The following RORA variants were observed in gnomAD, a reference collection of about 807,000 sequenced individuals.
The protein encoded by RORA is nuclear receptor ROR-alpha.
RORA carries 7 observed loss-of-function variants against 69.5 expected under a neutral mutation model. The ratio of observed to expected loss-of-function variants is 0.10; its 90% CI spans 0.06 to 0.19. The LOEUF is 0.19. Among genes scored for constraint, RORA ranks in the 10% least tolerant of loss-of-function variants. The probability of loss-of-function intolerance (pLI) is 1.00; values close to 1 mark genes in which losing one functional copy is unlikely to be tolerated. For synonymous variants in RORA, 261 were observed against 240.8 expected (o/e 1.08, Z -0.78); for missense variants, 457 against 663.0 (o/e 0.69, Z 3.41).
At chr15:60,597,597 C>CATATATATATATATAT (rs1213736725) in intron 2 of RORA, among the ~76,000 whole-genome samples, 1 of 31,348 alleles carries the variant, frequency 3.2e-5, no homozygotes, top group Non-Finnish European at 5.7e-5. Context: ...TATATATACA[C>CATATATATATATATAT]ATATATATAT....
chr15:61,089,813 A>G (rs1174484031), intron 1 of RORA, among the ~76,000 whole-genome samples: 3 of 152,214 alleles, frequency 2.0e-5, no homozygotes, highest in Non-Finnish European at 4.4e-5. Context: ...AGCAGTGACA[A>G]GCAGCAGGCT....
chr15:60,815,017 G>A (rs2072790283), intron 1 of RORA, among the ~76,000 whole-genome samples: 1 of 152,088 alleles, frequency 6.6e-6, no homozygotes, highest in East Asian at 1.9e-4. Flanking sequence ...CGAAAGGGTT[G>A]ATCAAACATA....
intron 2 of RORA, among the ~76,000 whole-genome samples, chr15:60,599,993 C>A (rs1233598707): frequency 6.6e-6 from 1 of 152,134 alleles, no homozygotes; most frequent in African/African-American, 2.4e-5. Flanking sequence ...GAGTGAAAAG[C>A]TAAGCAGAGC....
intron 1 of RORA, among the ~76,000 whole-genome samples, chr15:60,866,638 A>G (rs2140430814): frequency 6.6e-6 from 1 of 152,222 alleles, no homozygotes; most frequent in South Asian, 2.1e-4. Context: ...TGGAGTTTAA[A>G]TTAGTCACCA....
At position 60,586,455 on chromosome 15, in the gene RORA, G is replaced by GGT. The variant is rs146340386; in HGVS notation, c.197-54606_197-54605dup. On this transcript the variant is annotated intron_variant, in intron 2 of 10. Transcript: ENST00000335670. ...GACAGCAGATATTACGTATTAGAGG[G>GGT]GTGTGTGTGTGTGTGTGCGTGTGCA... 1.5e-3 allele frequency among the ~76,000 whole-genome samples: 222 copies of GGT among 150,268 alleles called. 2 individuals are homozygous for GGT. The East Asian group carries it at 0.03, about 20-fold the overall frequency.
chr15:60,849,532 A>G (rs937694611), intron 1 of RORA, among the ~76,000 whole-genome samples: 3 of 152,224 alleles, frequency 2.0e-5, no homozygotes, highest in African/African-American at 7.2e-5. Context: ...CCACTGAGAG[A>G]CAAGCATGGG....
chr15:61,042,660 C>T (rs139378756), intron 1 of RORA, among the ~76,000 whole-genome samples: 12 of 152,210 alleles, frequency 7.9e-5, no homozygotes, highest in Admixed American at 2.6e-4. Context: ...AACTCAATAG[C>T]GGATGATGCC....
chr15:60,515,372 C>G (rs1204611337), intron 3 of RORA, among the ~76,000 whole-genome samples: 1 of 152,188 alleles, frequency 6.6e-6, no homozygotes, highest in Non-Finnish European at 1.5e-5. Flanking sequence ...TTTAGAAATA[C>G]CACATGTTCA....
Position 61,079,894 on chromosome 15 carries a change from T to C in RORA, c.166+149159A>G, listed in dbSNP as rs956669974. Among the ~76,000 whole-genome samples, 6 of 152,314 alleles carry C rather than the reference T, an allele frequency of 3.9e-5. 1 individual carries two copies. Among genetic ancestry groups the C allele is most frequent in the African/African-American group, 4.8e-5 (2 of 41,570 alleles). ...TGTGGCTTTATTTCCTGTGCGACCA[T>C]GAGCAAGTTACTTAAGCTCTTAAGG... On this transcript the variant is annotated intron_variant, in intron 1 of 10. Coordinates refer to ENST00000335670, the MANE Select transcript of RORA (RefSeq NM_134261.3).
At chr15:60,917,229 T>C (rs935199095) in intron 1 of RORA, among the ~76,000 whole-genome samples, 22 of 152,242 alleles carry the variant, frequency 1.4e-4, no homozygotes, top group African/African-American at 4.8e-4. Context: ...CCTTCCACAT[T>C]GATCAGACTT....
At chr15:60,904,768 G>A (rs1891485914) in intron 1 of RORA, among the ~76,000 whole-genome samples, 1 of 152,138 alleles carries the variant, frequency 6.6e-6, no homozygotes, top group Admixed American at 6.5e-5. Context: ...CTGCTATCCT[G>A]TCACGGTAAT....
At chr15:60,621,750 A>T (rs753024603) in intron 2 of RORA, among the ~76,000 whole-genome samples, 22 of 152,086 alleles carry the variant, frequency 1.4e-4, no homozygotes, top group Non-Finnish European at 3.2e-4. Context: ...TACACTGAAA[A>T]AGAGTAAAGG....
intron 1 of RORA, among the ~76,000 whole-genome samples, chr15:60,812,140 C>T (rs1464133205): frequency 6.6e-6 from 1 of 152,198 alleles, no homozygotes; most frequent in Non-Finnish European, 1.5e-5. Flanking sequence ...TGCTTAACCA[C>T]TCTGTGCCTT....
At chr15:60,519,847 C>G (rs1326097437) in intron 3 of RORA, 1 of 152,246 alleles carries the variant, frequency 6.6e-6, no homozygotes, top group African/African-American at 2.4e-5. Context: ...AACAAACAAA[C>G]AAACAAACAA....
intron 1 of RORA, among the ~76,000 whole-genome samples, chr15:61,189,711 G>A (rs773998191): frequency 1.3e-4 from 20 of 151,832 alleles, no homozygotes; most frequent in Non-Finnish European, 2.8e-4. Flanking sequence ...CAAAAAATTA[G>A]CCAGGAATGG....
intron 3 of RORA, chr15:60,519,833 A>G (rs1423000923): frequency 6.6e-6 from 1 of 151,096 alleles, no homozygotes; most frequent in Non-Finnish European, 1.5e-5. Context: ...CATTTAAACA[A>G]ACAAACAAAC....
chr15:60,755,386 G>A (rs905001381), intron 1 of RORA, among the ~76,000 whole-genome samples: 2 of 151,936 alleles, frequency 1.3e-5, no homozygotes, highest in Non-Finnish European at 2.9e-5. Context: ...GTCTATCATT[G>A]TCGGACATTT....
intron 1 of RORA, among the ~76,000 whole-genome samples, chr15:61,146,173 T>G (rs147279848): frequency 0.015 from 2,328 of 152,264 alleles, 27 homozygotes; most frequent in Admixed American, 0.023. Flanking sequence ...TGTCGAGGAT[T>G]TTTCCCCTAG....
intron 2 of RORA, among the ~76,000 whole-genome samples, chr15:60,589,574 G>A (rs2068439129): frequency 6.6e-6 from 1 of 152,142 alleles, no homozygotes; most frequent in Admixed American, 6.5e-5. Flanking sequence ...CTCTCCCTTT[G>A]CCCAAGAAGC....
Sources: gnomAD v4.1 joint callset for allele counts (sites outside exome capture counted in the v4.1 genomes callset) on GRCh38, gnomAD v4.1.1 for gene constraint, MANE v1.5 for transcripts, NCBI Gene and HGNC (gene_info 2026-07-23, HGNC 2026-07-21) for gene names.